The following MYO3A variants were observed in gnomAD, a reference collection of about 807,000 sequenced individuals.
MYO3A encodes myosin IIIA, also known as myosin-IIIa.
Under a neutral mutation model 192.7 loss-of-function variants are expected in MYO3A, and 180 were observed. The observed-to-expected ratio is 0.93, with a 90% CI of 0.83 to 1.06. The LOEUF (loss-of-function observed/expected upper bound fraction) is 1.06, where lower values mean the gene tolerates loss of function less well. MYO3A is among the 50% of genes least tolerant of loss of function. The pLI is 0.00. For missense variants in MYO3A, 1,896 were observed against 1,905.0 expected (o/e 1.00, Z 0.09); for synonymous variants, 628 against 645.3 (o/e 0.97, Z 0.41).
intron 2 of MYO3A, among the ~76,000 whole-genome samples, chr10:25,942,294 G>A (rs779524879): frequency 2.6e-5 from 4 of 152,204 alleles, no homozygotes; most frequent in East Asian, 1.9e-4. Flanking sequence ...GAACCACCGC[G>A]TCCAGCCAAT....
At position 26,170,478 on chromosome 10, in the gene MYO3A, G is replaced by A. The variant is rs770255390; in HGVS notation, c.3337G>A (p.Val1113Ile). The change falls in exon 29 of 35, where the codon GTA becomes ATA. Residue 1113 changes from valine (V) to isoleucine (I), a missense_variant. By Grantham distance (29) the Val-to-Ile change is conservative. Transcript: ENST00000642920. ...AATTGTTGACATGAAAAACACAGCA[G>A]TAACAACCATTCAAACTTCTGATCA... The part of the protein sequence containing the change: ...KEIVDMKNTA[V>I]TTIQTSDQEF... 2.5e-5 allele frequency: 41 copies of A among 1,613,264 alleles called. No individual in the cohort carries two copies. The highest frequency in any genetic ancestry group is 3.3e-5 in the Admixed American group (2 of 59,982).
chr10:26,081,133 TCCCC>T (rs60099269), intron 14 of MYO3A, among the ~76,000 whole-genome samples: 11 of 84,984 alleles, frequency 1.3e-4, no homozygotes, highest in African/African-American at 4.2e-4. Flanking sequence ...TATATGCCCT[TCCCC>T]CCCCCCCCGC....
intron 10 of MYO3A, among the ~76,000 whole-genome samples, chr10:26,062,530 A>AAAAAACAAAAAAAACAAAAAAAACG (rs1554816581): frequency 7.1e-5 from 9 of 125,946 alleles, no homozygotes; most frequent in South Asian, 4.8e-4. Context: ...AAAAAAAAAA[A>AAAAAACAAAAAAAACAAAAAAAACG]AAATTATGGA....
intron 4 of MYO3A, among the ~76,000 whole-genome samples, chr10:25,958,175 G>T (rs1837682957): frequency 6.6e-6 from 1 of 152,128 alleles, no homozygotes; most frequent in South Asian, 2.1e-4. Flanking sequence ...CCTATGTCCA[G>T]AATGGATGGT....
intron 18 of MYO3A, 26 bp from the exon 19 acceptor site, chr10:26,125,372 T>C (rs1357864667): frequency 4.3e-6 from 7 of 1,611,168 alleles, no homozygotes; most frequent in Admixed American, 3.3e-5. Flanking sequence ...TAATTTCTTC[T>C]AACAATGCAT....
intron 31 of MYO3A, among the ~76,000 whole-genome samples, chr10:26,186,738 T>C (rs1175573937): frequency 5.3e-5 from 8 of 152,236 alleles, no homozygotes; most frequent in African/African-American, 1.9e-4. Context: ...CATTGGTCTA[T>C]ATTTTTGGTA....
chr10:25,952,471 A>AT (rs1222285635), intron 3 of MYO3A, among the ~76,000 whole-genome samples, 193 bp downstream of exon 3: 3 of 152,224 alleles, frequency 2.0e-5, no homozygotes, highest in Non-Finnish European at 4.4e-5. Flanking sequence ...AATAAGGCAC[A>AT]ATAAGTACTT....
intron 15 of MYO3A, among the ~76,000 whole-genome samples, chr10:26,089,293 T>C (rs1836541198): frequency 6.6e-6 from 1 of 152,078 alleles, no homozygotes; most frequent in African/African-American, 2.4e-5. Context: ...AATTACTCTT[T>C]GGTCTTCAAT....
At position 26,081,133 on chromosome 10, in the gene MYO3A, T is replaced by TCCCCCCCCCTTCCCCCCCCCC. The variant is rs1835907338; in HGVS notation, c.1360-7061_1360-7060insTTCCCCCCCCCCCCCCCCCCC. Among the ~76,000 whole-genome samples the TCCCCCCCCCTTCCCCCCCCCC allele has an allele frequency of 4.8e-4, 41 of 84,936 alleles. 2 individuals carry two copies. The highest frequency in any genetic ancestry group is 1.7e-3 in the African/African-American group (40 of 23,700). The allele number at this position is 84,936 out of a possible 152,430, so 55.7% of individuals were successfully genotyped here. A position where few individuals can be genotyped will look rare whatever the true frequency, so the allele number is the denominator to read the frequency against. ...TAGAATTCCCAAGATTATATGCCCT[T>TCCCCCCCCCTTCCCCCCCCCC]CCCCCCCCCCCCGCCCCCGCTACCA... On this transcript the variant is annotated intron_variant, in intron 14 of 34. Coordinates refer to ENST00000642920, the MANE Select transcript of MYO3A (RefSeq NM_017433.5).
chr10:25,953,161 A>G (rs1837314071), intron 3 of MYO3A, among the ~76,000 whole-genome samples: 1 of 152,026 alleles, frequency 6.6e-6, no homozygotes, highest in Admixed American at 6.6e-5. Flanking sequence ...AAATGATGTA[A>G]TGTGTATAGA....
intron 14 of MYO3A, among the ~76,000 whole-genome samples, chr10:26,072,972 A>G (rs948534510): frequency 1.3e-5 from 2 of 152,246 alleles, no homozygotes; most frequent in African/African-American, 4.8e-5. Flanking sequence ...GTACATTCAT[A>G]CAGTGAAATA....
intron 6 of MYO3A, among the ~76,000 whole-genome samples, chr10:26,009,872 G>T (rs1234657534): frequency 6.6e-6 from 1 of 152,150 alleles, no homozygotes. Context: ...AATTGTGGTG[G>T]GCAGGAGAGA....
At chr10:26,088,871 G>C (rs889187519) in intron 15 of MYO3A, among the ~76,000 whole-genome samples, 7 of 152,072 alleles carry the variant, frequency 4.6e-5, no homozygotes, top group African/African-American at 1.7e-4. Flanking sequence ...ACCTTTTATT[G>C]CTGGCTGATT....
At chr10:26,197,958 G>C (rs1158045260) in intron 32 of MYO3A, among the ~76,000 whole-genome samples, 1 of 152,194 alleles carries the variant, frequency 6.6e-6, no homozygotes, top group Admixed American at 6.5e-5. Context: ...CGAGGCCTAT[G>C]CTCGCTGTTA....
At chr10:25,970,824 A>G (rs117406160) in intron 4 of MYO3A, among the ~76,000 whole-genome samples, 6,571 of 152,090 alleles carry the variant, frequency 0.043, 184 homozygotes, top group Middle Eastern at 0.068. Flanking sequence ...TTGGTAATTT[A>G]GTGTCTTGGG....
At chr10:26,145,038 G>A (rs995951313) in intron 21 of MYO3A, among the ~76,000 whole-genome samples, 12 of 152,120 alleles carry the variant, frequency 7.9e-5, no homozygotes, top group Non-Finnish European at 1.5e-4. Flanking sequence ...AATTAGCCAG[G>A]CATGGTGTCG....
rs765728687 is a variant in MYO3A, at chr10:26,147,566, C to T, written c.2635+7C>T. 28 of 1,613,924 alleles carry T rather than the reference C, an allele frequency of 1.7e-5. 3 individuals carry two copies. In the South Asian group the frequency reaches 3.1e-4, roughly 18 times the overall value. On this transcript the variant is annotated splice_region_variant and intron_variant, in intron 23 of 34. Transcript: ENST00000642920. ...CACCCTCTGACCAAAACAGGTAAGA[C>T]AATTTTCCTTACCTGGAAGTTTTCT...
chr10:26,059,757 T>G (rs1834341265), intron 10 of MYO3A, among the ~76,000 whole-genome samples: 1 of 152,240 alleles, frequency 6.6e-6, no homozygotes, highest in African/African-American at 2.4e-5. Context: ...CAACCTGGAT[T>G]TTTTTCCACA....
chr10:26,099,004 A>G (rs1350838011), intron 17 of MYO3A, among the ~76,000 whole-genome samples: 3 of 152,178 alleles, frequency 2.0e-5, no homozygotes, highest in Non-Finnish European at 4.4e-5. Flanking sequence ...ACCTTGAGCA[A>G]TATGGCCATT....
Sources: gnomAD v4.1 joint callset for allele counts (sites outside exome capture counted in the v4.1 genomes callset) on GRCh38, gnomAD v4.1.1 for gene constraint, MANE v1.5 for transcripts, NCBI Gene and HGNC (gene_info 2026-07-23, HGNC 2026-07-21) for gene names.